Variants in RHEX observed in about 807,000 individuals in gnomAD.
RHEX encodes regulator of hemoglobinization and erythroid cell expansion.
A neutral mutation model predicts 20.1 loss-of-function variants in RHEX; 18 were observed. That is an observed-to-expected ratio of 0.90 (90% CI 0.62 to 1.33). The LOEUF is 1.33. Among genes scored for constraint, RHEX ranks in the 40% most tolerant of loss-of-function variants. The pLI is 0.00. For missense variants in RHEX, 192 were observed against 214.3 expected (o/e 0.90, Z 0.65); for synonymous variants, 87 against 77.1 (o/e 1.13, Z -0.67).
rs782628010 is a variant in RHEX, at chr1:206,101,805, A to G, written c.372A>G (p.Leu124=). The G allele has an allele frequency of 6.2e-7, 1 of 1,613,790 alleles. No individual in the cohort carries two copies. Among genetic ancestry groups the G allele is most frequent in the Non-Finnish European group, 8.5e-7 (1 of 1,179,800 alleles). ...TCGTCTTTTCTGACCCTGGAGAACTAAAAAATGACTCCCCGCTGGACTATG... is the reference window on the plus strand; with the variant it reads ...TCGTCTTTTCTGACCCTGGAGAACTGAAAAATGACTCCCCGCTGGACTATG... ...TQVVFSDPGE[L]KNDSPLDYEN... is the part of the protein sequence containing the mutation. Residue 124 remains leucine (L), a synonymous_variant, in exon 6 of 6, where the codon CTA becomes CTG. Coordinates refer to ENST00000331555, the MANE Select transcript of RHEX (RefSeq NM_001007544.4).
At chr1:206,064,145 C>T (rs1252056774) in intron 1 of RHEX, among the ~76,000 whole-genome samples, 2 of 143,140 alleles carry the variant, frequency 1.4e-5, no homozygotes, top group African/African-American at 5.4e-5. Flanking sequence ...GTGAGGAGAC[C>T]CTCCGCCCGG....
chr1:206,099,640 C>T lies in RHEX; in HGVS notation c.113-15C>T, dbSNP rs782102241. On this transcript the variant is annotated splice_polypyrimidine_tract_variant and intron_variant, in intron 3 of 5. Coordinates refer to ENST00000331555, the MANE Select transcript of RHEX (RefSeq NM_001007544.4). ...GGCCAGTTTCCACTTTTGATCCCTG[C>T]CCTCTCCCTTCCAGCCCACAAGAGT... 2.5e-6 allele frequency: 4 copies of T among 1,612,846 alleles called. No homozygotes were observed. The highest frequency in any genetic ancestry group is 3.3e-5 in the Admixed American group (2 of 59,942).
At chr1:206,095,300 A>G (rs1158358475) in intron 1 of RHEX, among the ~76,000 whole-genome samples, 1 of 152,190 alleles carries the variant, frequency 6.6e-6, no homozygotes, top group African/African-American at 2.4e-5. Context: ...TTAGGTGTCA[A>G]ATGTGGCCTG....
At chr1:206,085,514 A>G (rs1662821289) in intron 1 of RHEX, among the ~76,000 whole-genome samples, 1 of 152,208 alleles carries the variant, frequency 6.6e-6, no homozygotes, top group Non-Finnish European at 1.5e-5. Flanking sequence ...GTTCTTGCTG[A>G]TTTAGTCTTG....
At chr1:206,056,489 T>G (rs1558166714) in intron 1 of RHEX, 1 of 152,294 alleles carries the variant, frequency 6.6e-6, no homozygotes, top group Non-Finnish European at 1.5e-5. Context: ...GCTACATTCC[T>G]ATTATTTTAT....
intron 1 of RHEX, among the ~76,000 whole-genome samples, chr1:206,083,057 C>A (rs1662769757): frequency 6.6e-6 from 1 of 152,188 alleles, no homozygotes; most frequent in African/African-American, 2.4e-5. Context: ...AAAATTTATT[C>A]TTATCTATTG....
intron 5 of RHEX, among the ~76,000 whole-genome samples, chr1:206,101,539 C>T (rs1663186184): frequency 6.6e-6 from 1 of 152,314 alleles, no homozygotes. Context: ...TCCACCTGCT[C>T]GTCTGTAATC....
chr1:206,076,203 G>A (rs1662634638), intron 1 of RHEX, among the ~76,000 whole-genome samples: 2 of 151,608 alleles, frequency 1.3e-5, no homozygotes, highest in South Asian at 4.2e-4. Flanking sequence ...CACCCAGGTT[G>A]GAGTGCTGTG....
intron 1 of RHEX, among the ~76,000 whole-genome samples, chr1:206,092,241 A>G (rs1662969018): frequency 6.6e-6 from 1 of 152,106 alleles, no homozygotes; most frequent in Admixed American, 6.6e-5. Flanking sequence ...TTAATTTCTA[A>G]ATAATAATAG....
At chr1:206,096,159 G>A (rs1156274813) in intron 1 of RHEX, among the ~76,000 whole-genome samples, 6 of 152,120 alleles carry the variant, frequency 3.9e-5, no homozygotes, top group Admixed American at 3.9e-4. Flanking sequence ...AAAACGTGTT[G>A]CTCATTCATA....
chr1:206,096,082 G>A (rs1472630485), intron 1 of RHEX, among the ~76,000 whole-genome samples: 1 of 152,076 alleles, frequency 6.6e-6, no homozygotes, highest in Non-Finnish European at 1.5e-5. Flanking sequence ...CACCTGCATC[G>A]GCCTCCCAAA....
At chr1:206,087,761 A>G (rs530343199) in intron 1 of RHEX, among the ~76,000 whole-genome samples, 34 of 152,314 alleles carry the variant, frequency 2.2e-4, no homozygotes, top group African/African-American at 7.5e-4. Flanking sequence ...GGCTTATTTC[A>G]ATGTCTGAAA....
intron 1 of RHEX, among the ~76,000 whole-genome samples, chr1:206,058,748 T>G (rs1662248582): frequency 6.6e-6 from 1 of 152,144 alleles, no homozygotes; most frequent in Non-Finnish European, 1.5e-5. Flanking sequence ...CATGACCCTT[T>G]CATGTGAAAT....
Position 206,099,646 on chromosome 1 carries a change from CCCTT to C in RHEX, c.113-6_113-3del, listed in dbSNP as rs781926699. ...TTTCCACTTTTGATCCCTGCCCTCT[CCCTT>C]CCAGCCCACAAGAGTGAACAGATAC... On this transcript the variant is annotated splice_polypyrimidine_tract_variant and splice_region_variant and intron_variant, in intron 3 of 5. Coordinates refer to ENST00000331555, the MANE Select transcript of RHEX (RefSeq NM_001007544.4). 5.6e-6 allele frequency: 9 copies of C among 1,613,288 alleles called. No homozygotes were observed. The highest frequency in any genetic ancestry group is 1.7e-4 in the Middle Eastern group (1 of 5,880).
intron 1 of RHEX, among the ~76,000 whole-genome samples, chr1:206,074,514 T>C (rs1056189956): frequency 3.3e-5 from 5 of 152,174 alleles, no homozygotes; most frequent in Admixed American, 2.0e-4. Context: ...ATACCACACA[T>C]TTCACCAATT....
At chr1:206,076,875 CA>C (rs1662645307) in intron 1 of RHEX, among the ~76,000 whole-genome samples, 1 of 152,142 alleles carries the variant, frequency 6.6e-6, no homozygotes, top group East Asian at 1.9e-4. Flanking sequence ...TCTAAAATCT[CA>C]TGGTTTTGTG....
Position 206,101,746 on chromosome 1 carries a change from C to A in RHEX, c.319-6C>A, listed in dbSNP as rs782108682. The A allele has an allele frequency of 1.9e-6, 3 of 1,609,722 alleles. No individual in the cohort carries two copies. The highest frequency in any genetic ancestry group is 2.5e-6 in the Non-Finnish European group (3 of 1,177,552). On this transcript the variant is annotated splice_region_variant and splice_polypyrimidine_tract_variant and intron_variant, in intron 5 of 5. Coordinates refer to ENST00000331555, the MANE Select transcript of RHEX (RefSeq NM_001007544.4). The stretch of plus-strand genomic sequence containing the variant: ...TTGACCCACATGTCTCTGCTTTTCT[C>A]CTAAGGCCACAGAGGATGTGGATTA...
At chr1:206,084,613 A>C (rs1662801804) in intron 1 of RHEX, among the ~76,000 whole-genome samples, 1 of 152,118 alleles carries the variant, frequency 6.6e-6, no homozygotes. Context: ...GTACTCAAGG[A>C]AGACTTGTTG....
chr1:206,073,880 C>A (rs150872320), intron 1 of RHEX, among the ~76,000 whole-genome samples: 322 of 152,322 alleles, frequency 2.1e-3, no homozygotes, highest in Non-Finnish European at 3.6e-3. Flanking sequence ...AGAACTTAAT[C>A]TTGCCTCCTT....
Sources: gnomAD v4.1 joint callset for allele counts (sites outside exome capture counted in the v4.1 genomes callset) on GRCh38, gnomAD v4.1.1 for gene constraint, MANE v1.5 for transcripts, NCBI Gene and HGNC (gene_info 2026-07-23, HGNC 2026-07-21) for gene names.